Variants in UBXN4 observed in about 807,000 individuals in gnomAD.
The protein encoded by UBXN4 is UBX domain protein 4, also known as UBX domain-containing protein 4.
A neutral mutation model predicts 66.2 loss-of-function variants in UBXN4; 35 were observed. The ratio of observed to expected loss-of-function variants is 0.53; its 90% CI spans 0.40 to 0.70. The LOEUF is 0.70. UBXN4 is among the 30% of genes least tolerant of loss of function. The pLI, the probability that UBXN4 is intolerant of heterozygous loss-of-function variation, is 0.00. For synonymous variants in UBXN4, 203 were observed against 204.5 expected, an observed-to-expected ratio of 0.99 and a Z score of 0.06; for missense variants, 533 against 599.8, an observed-to-expected ratio of 0.89 and a Z score of 1.16.
chr2:135,768,346 ATG>A (rs2077360269), intron 6 of UBXN4, among the ~76,000 whole-genome samples: 1 of 138,734 alleles, frequency 7.2e-6, no homozygotes, highest in East Asian at 2.4e-4. Context: ...TTACAGGCGC[ATG>A]CCACCACACC....
chr2:135,758,721 A>G (rs1333692688), intron 5 of UBXN4, among the ~76,000 whole-genome samples: 1 of 152,208 alleles, frequency 6.6e-6, no homozygotes, highest in Non-Finnish European at 1.5e-5. Flanking sequence ...ATAAGAAAGG[A>G]ATATAAATCT....
chr2:135,756,707 C>T (rs1575316764), intron 5 of UBXN4, among the ~76,000 whole-genome samples: 1 of 152,128 alleles, frequency 6.6e-6, no homozygotes, highest in South Asian at 2.1e-4. Flanking sequence ...TGAAGATAGA[C>T]ACATGTTTCC....
At position 135,772,424 on chromosome 2, in the gene UBXN4, G is replaced by C; in HGVS notation, c.827G>C (p.Arg276Pro). The C allele has an allele frequency of 6.2e-7, 1 of 1,613,844 alleles. No individual in the cohort carries two copies. Among genetic ancestry groups the C allele is most frequent in the Non-Finnish European group, 8.5e-7 (1 of 1,179,812 alleles). ...ERIKQQIALD[R>P]AERAARFAKT... ...GTATTTAATGATGTTTTAAAGGACCGTGCAGAGAGAGCTGCTCGTTTTGCA... is the reference window on the plus strand; with the variant it reads ...GTATTTAATGATGTTTTAAAGGACCCTGCAGAGAGAGCTGCTCGTTTTGCA... The change falls in exon 9 of 13, where the codon CGT becomes CCT. Residue 276 changes from arginine to proline, a missense_variant. This residue lies in a region of UBXN4 where 529 missense variants were observed against 580.1 expected (regional missense o/e 0.91). Coordinates refer to ENST00000272638, the MANE Select transcript of UBXN4 (RefSeq NM_014607.4).
At chr2:135,771,570 A>G (rs1435121540) in intron 8 of UBXN4, among the ~76,000 whole-genome samples, 1 of 152,042 alleles carries the variant, frequency 6.6e-6, no homozygotes, top group Non-Finnish European at 1.5e-5. Flanking sequence ...TTTATTATTT[A>G]TTTATTTTTG....
Position 135,771,899 on chromosome 2 carries a change from G to A in UBXN4, c.823-521G>A, listed in dbSNP as rs949414074. The stretch of plus-strand genomic sequence containing the variant: ...TTATTATGTACCAGACCTTGTTCCA[G>A]GCTTTGGAGATACAGTAGTGAGCAA... On this transcript the variant is annotated intron_variant, in intron 8 of 12. Transcript: ENST00000272638. Among the ~76,000 whole-genome samples, 58 of 152,158 alleles carry A rather than the reference G, an allele frequency of 3.8e-4. 1 individual carries two copies. The highest frequency in any genetic ancestry group is 1.4e-3 in the African/African-American group (58 of 41,454).
intron 1 of UBXN4, among the ~76,000 whole-genome samples, chr2:135,746,184 T>G (rs1255522272): frequency 6.6e-6 from 1 of 152,154 alleles, no homozygotes; most frequent in Non-Finnish European, 1.5e-5. Flanking sequence ...TGGTCAAATT[T>G]CTCAAACTCC....
intron 1 of UBXN4, among the ~76,000 whole-genome samples, chr2:135,744,139 A>G (rs1270568715): frequency 6.6e-6 from 1 of 152,374 alleles, no homozygotes; most frequent in African/African-American, 2.4e-5. Context: ...AGCTTTCTTC[A>G]TAACTCTGAA....
intron 5 of UBXN4, among the ~76,000 whole-genome samples, chr2:135,761,132 C>G (rs1399183638): frequency 6.6e-6 from 1 of 152,146 alleles, no homozygotes. Flanking sequence ...GCTCCAGAGT[C>G]CTTGTTCGCC....
chr2:135,782,304 ATAAG>A (rs1456527131), intron 12 of UBXN4, among the ~76,000 whole-genome samples: 1 of 152,224 alleles, frequency 6.6e-6, no homozygotes, highest in Non-Finnish European at 1.5e-5. Context: ...TTGTTTATAA[ATAAG>A]TCATTCTTGA....
rs1241481442 is a variant in UBXN4 at position 135,783,977 on chromosome 2, T to C, written c.*1090T>C. On this transcript the variant is annotated 3_prime_UTR_variant, in exon 13 of 13. Transcript: ENST00000272638. ...TGGACATACGGAAAGACTGTGACTTTATTTTGTAATGGGAGGAAGAAATTT... is the reference window on the plus strand; with the variant it reads ...TGGACATACGGAAAGACTGTGACTTCATTTTGTAATGGGAGGAAGAAATTT... 6.6e-6 allele frequency: 1 copy of C among 152,128 alleles called. No individual in the cohort carries two copies. Among genetic ancestry groups the C allele is most frequent in the Non-Finnish European group, 1.5e-5 (1 of 68,028 alleles). The allele number at this position is 152,128 out of a possible 1,614,324, so 9.4% of individuals were successfully genotyped here.
intron 3 of UBXN4, 46 bp from the exon 4 acceptor site, chr2:135,754,113 A>G (rs755017670): frequency 8.7e-6 from 12 of 1,372,064 alleles, no homozygotes; most frequent in African/African-American, 2.9e-5. Flanking sequence ...TCGTAAAACT[A>G]TCCTTTCGTT....
rs1256128453 is a variant in UBXN4 at position 135,754,109 on chromosome 2, A to C, written c.215-50A>C. The C allele has an allele frequency of 2.2e-6, 3 of 1,345,154 alleles. No homozygotes were observed. The African/African-American group carries it at 4.4e-5, about 20-fold the overall frequency. 83.3% of individuals were successfully genotyped at this position (1,345,154 alleles called of 1,614,324 possible). On this transcript the variant is annotated intron_variant, in intron 3 of 12. Transcript: ENST00000272638. ...CTTTGTTACCAATAGTGTTTCGTAA[A>C]ACTATCCTTTCGTTTCACATGAATT...
intron 1 of UBXN4, among the ~76,000 whole-genome samples, chr2:135,745,835 A>G (rs2077203736): frequency 7.3e-6 from 1 of 137,122 alleles, no homozygotes; most frequent in Non-Finnish European, 1.5e-5. Context: ...AGCATTCTTA[A>G]TGGAGCATTT....
At chr2:135,778,104 G>A (rs1010948422) in intron 10 of UBXN4, among the ~76,000 whole-genome samples, 1 of 151,262 alleles carries the variant, frequency 6.6e-6, no homozygotes, top group African/African-American at 2.4e-5. Context: ...GTGAACCCGG[G>A]AGGTGGAGCT....
At chr2:135,776,204 A>G (rs766607042) in intron 9 of UBXN4, 45 bp from the exon 10 acceptor site, 1 of 1,470,926 alleles carries the variant, frequency 6.8e-7, no homozygotes, top group African/African-American at 1.4e-5. Flanking sequence ...TTGTTAGAGA[A>G]TATATAGAGG....
chr2:135,761,846 C>G lies in UBXN4; in HGVS notation c.537C>G (p.Ser179=), dbSNP rs552694525. Residue 179 remains serine (S), a synonymous_variant, in exon 6 of 13, where the codon TCC becomes TCG. Coordinates refer to ENST00000272638, the MANE Select transcript of UBXN4 (RefSeq NM_014607.4). ...GAGAAAGTGCAGGCCATGCCACTTC[C>G]TCTCAGGAGCCTAGTGGATGCTCAG... is the stretch of plus-strand genomic sequence containing the variant. ...TGGESAGHAT[S]SQEPSGCSDQ... 119 of 1,613,218 alleles carry G rather than the reference C, an allele frequency of 7.4e-5. 3 individuals are homozygous for G. In the South Asian group the frequency reaches 1.2e-3, roughly 16 times the overall value.
chr2:135,762,111 T>C (rs146469861), intron 6 of UBXN4, among the ~76,000 whole-genome samples, 200 bp downstream of exon 6: 1 of 152,354 alleles, frequency 6.6e-6, no homozygotes, highest in African/African-American at 2.4e-5. Context: ...AAGTCACCAG[T>C]CAGCTTTTGG....
At position 135,749,421 on chromosome 2, in the gene UBXN4, T is replaced by A. The variant is rs187933924; in HGVS notation, c.185+1052T>A. 3.9e-5 allele frequency among the ~76,000 whole-genome samples: 6 copies of A among 152,268 alleles called. No homozygotes were observed. In the East Asian group the frequency reaches 9.6e-4, roughly 24 times the overall value. Reference sequence around the variant, plus strand: ...CCTCCTCCCCATCTTTTAAAAAAATTTTTGTTATAGGAAGTTTCAAACATA... The same window carrying A: ...CCTCCTCCCCATCTTTTAAAAAAATATTTGTTATAGGAAGTTTCAAACATA... On this transcript the variant is annotated intron_variant, in intron 2 of 12. Coordinates refer to ENST00000272638, the MANE Select transcript of UBXN4 (RefSeq NM_014607.4).
intron 12 of UBXN4, among the ~76,000 whole-genome samples, chr2:135,781,842 G>A (rs1319965670): frequency 6.6e-5 from 10 of 152,286 alleles, no homozygotes; most frequent in African/African-American, 2.4e-4. Flanking sequence ...GGAAGCTGAG[G>A]TGCAAGGATC....
Sources: allele counts gnomAD v4.1 joint callset (sites outside exome capture counted in the v4.1 genomes callset), GRCh38; gene constraint gnomAD v4.1.1; regional missense constraint gnomAD v4.1.1; transcripts MANE v1.5; gene names NCBI Gene and HGNC (gene_info 2026-07-23, HGNC 2026-07-21).